FIRRM: variants seen among roughly 807,000 people sequenced by gnomAD.
FIRRM encodes the protein FIGNL1 interacting regulator of recombination and mitosis, also known as FIGNL1-interacting regulator of recombination and mitosis.
the FIRRM span, chr1:169,784,942 T>A: frequency 6.6e-6 from 1 of 152,174 alleles, no homozygotes; most frequent in Non-Finnish European, 1.5e-5. Context: ...CTTGATGGGA[T>A]GAGAATGTGT....
At chr1:169,800,393 T>C in the FIRRM span, among the ~76,000 whole-genome samples, 1 of 152,156 alleles carries the variant, frequency 6.6e-6, no homozygotes. Flanking sequence ...TAGAAGTGAT[T>C]CATGTTCATT....
At chr1:169,821,859 A>G in the FIRRM span, 188 of 701,616 alleles carry the variant, frequency 2.7e-4, 2 homozygotes, top group Non-Finnish European at 4.2e-4. Flanking sequence ...CTCAGATAGC[A>G]TATAACTTGA....
At chr1:169,821,618 T>C in the FIRRM span, 1 of 1,235,930 alleles carries the variant, frequency 8.1e-7, no homozygotes, top group Admixed American at 2.3e-5. Context: ...ATTTGTAAGC[T>C]TAGCTAATTT....
the FIRRM span, among the ~76,000 whole-genome samples, chr1:169,840,511 CTT>C: frequency 2.0e-4 from 29 of 141,510 alleles, no homozygotes; most frequent in African/African-American, 5.4e-4. Context: ...TTTCTTTTTT[CTT>C]TTTTTTTTTT....
the FIRRM span, among the ~76,000 whole-genome samples, chr1:169,841,851 T>TG: frequency 6.6e-6 from 1 of 152,176 alleles, no homozygotes; most frequent in African/African-American, 2.4e-5. Flanking sequence ...TGCTTCCATT[T>TG]GGTAACTTTG....
chr1:169,843,525 A>G, the FIRRM span: 3 of 589,474 alleles, frequency 5.1e-6, no homozygotes, highest in African/African-American at 3.7e-5. Context: ...TATCTACCTC[A>G]TAGAGCTGTT....
At chr1:169,837,604 A>G in the FIRRM span, among the ~76,000 whole-genome samples, 1 of 152,310 alleles carries the variant, frequency 6.6e-6, no homozygotes, top group Middle Eastern at 3.4e-3. Flanking sequence ...TGTAGTTGAA[A>G]TTTCGAGTTT....
chr1:169,795,907 C>T, the FIRRM span: 1 of 985,368 alleles, frequency 1.0e-6, no homozygotes, highest in Non-Finnish European at 1.2e-6. Context: ...GCGCCTTCTT[C>T]GTCCGGGTGC....
At chr1:169,830,834 G>A in the FIRRM span, 50 of 1,173,560 alleles carry the variant, frequency 4.3e-5, no homozygotes, top group Admixed American at 1.0e-4. Flanking sequence ...GAATATCGGC[G>A]GGAGAAATAT....
At chr1:169,814,530 C>T in the FIRRM span, among the ~76,000 whole-genome samples, 4 of 152,162 alleles carry the variant, frequency 2.6e-5, no homozygotes, top group African/African-American at 9.7e-5. Flanking sequence ...AAGTAAATTG[C>T]TTTTCTCAGT....
the FIRRM span, chr1:169,793,031 A>C: frequency 6.2e-7 from 1 of 1,614,142 alleles, no homozygotes; most frequent in Non-Finnish European, 8.5e-7. Flanking sequence ...TTCATCAATC[A>C]CCATACTGTT....
the FIRRM span, chr1:169,853,071 A>G: frequency 3.8e-6 from 5 of 1,328,148 alleles, no homozygotes; most frequent in Admixed American, 8.1e-5. Context: ...GATATAAAAC[A>G]AATTTTGTAA....
At chr1:169,831,522 T>C in the FIRRM span, among the ~76,000 whole-genome samples, 102 of 152,324 alleles carry the variant, frequency 6.7e-4, no homozygotes, top group African/African-American at 2.3e-3. Context: ...GTCTGGATTA[T>C]CACTTACACA....
chr1:169,793,000 T>G, the FIRRM span: 3 of 1,614,122 alleles, frequency 1.9e-6, no homozygotes, highest in Non-Finnish European at 1.7e-6. Context: ...TGGAGTTAGC[T>G]ACTACATTAG....
the FIRRM span, among the ~76,000 whole-genome samples, chr1:169,784,185 T>C: frequency 6.6e-6 from 1 of 152,156 alleles, no homozygotes; most frequent in Non-Finnish European, 1.5e-5. Flanking sequence ...ACATATAAAG[T>C]TCAGCAGTGT....
At chr1:169,844,739 GA>G in the FIRRM span, among the ~76,000 whole-genome samples, 1 of 151,946 alleles carries the variant, frequency 6.6e-6, no homozygotes, top group Non-Finnish European at 1.5e-5. Flanking sequence ...AATATTTTTA[GA>G]AAAAATACAA....
At chr1:169,837,181 G>C in the FIRRM span, 2 of 1,283,606 alleles carry the variant, frequency 1.6e-6, no homozygotes, top group Non-Finnish European at 2.1e-6. Context: ...TTAGGTACTG[G>C]GGTTAGGTTG....
At chr1:169,834,481 T>TTA in the FIRRM span, among the ~76,000 whole-genome samples, 1 of 152,098 alleles carries the variant, frequency 6.6e-6, no homozygotes, top group African/African-American at 2.4e-5. Flanking sequence ...CTCTTTTTTT[T>TTA]AACCCCTTAA....
chr1:169,837,409 G>A, the FIRRM span, among the ~76,000 whole-genome samples: 1 of 152,202 alleles, frequency 6.6e-6, no homozygotes, highest in South Asian at 2.1e-4. Flanking sequence ...ATGTATCTCT[G>A]GATTATGCAG....
Sources: allele counts gnomAD v4.1 joint callset (sites outside exome capture counted in the v4.1 genomes callset), GRCh38; gene constraint gnomAD v4.1.1; transcripts MANE v1.5; gene names NCBI Gene and HGNC (gene_info 2026-07-23, HGNC 2026-07-21).